The following CFAP43 variants were observed in gnomAD, a reference collection of about 807,000 sequenced individuals.
The protein encoded by CFAP43 is cilia and flagella associated protein 43.
In CFAP43, 155 loss-of-function variants were observed where a neutral mutation model predicts 218.9. The observed-to-expected ratio is 0.71, with a 90% CI of 0.62 to 0.81. The LOEUF (loss-of-function observed/expected upper bound fraction) is 0.81. CFAP43 is among the 30% of genes least tolerant of loss of function. The pLI is 0.00. For synonymous variants in CFAP43, 645 were observed against 681.3 expected (o/e 0.95, Z 0.83); for missense variants, 1,778 against 1,954.3 (o/e 0.91, Z 1.70).
chr10:104,130,795 C>G (rs186349069), intron 37 of CFAP43, among the ~76,000 whole-genome samples: 1 of 151,770 alleles, frequency 6.6e-6, no homozygotes, highest in Non-Finnish European at 1.5e-5. Context: ...CTCAGGAGTT[C>G]GAGGCCAGCC....
intron 21 of CFAP43, 120 bp from the exon 22 acceptor site, chr10:104,167,857 A>C (rs2089241022): frequency 1.6e-6 from 1 of 617,840 alleles, no homozygotes; most frequent in African/African-American, 1.9e-5. Flanking sequence ...ATGTGTTAGT[A>C]AAATTGACAA....
chr10:104,158,242 CAG>C (rs1460823452), intron 27 of CFAP43, among the ~76,000 whole-genome samples: 1 of 152,132 alleles, frequency 6.6e-6, no homozygotes, highest in African/African-American at 2.4e-5. Context: ...ACAGAATGAA[CAG>C]AGAGTCAGAT....
At chr10:104,135,955 A>C (rs1328324621) in intron 34 of CFAP43, among the ~76,000 whole-genome samples, 2 of 152,220 alleles carry the variant, frequency 1.3e-5, no homozygotes, top group East Asian at 3.8e-4. Flanking sequence ...TCAAAGAAGA[A>C]AACAGGGACT....
intron 2 of CFAP43, among the ~76,000 whole-genome samples, chr10:104,227,085 G>T (rs1322496104): frequency 1.3e-5 from 2 of 151,708 alleles, no homozygotes; most frequent in Non-Finnish European, 2.9e-5. Context: ...GCCTCCTATT[G>T]GTTTTTTATT....
intron 28 of CFAP43, among the ~76,000 whole-genome samples, chr10:104,150,588 C>T (rs1326912129): frequency 6.6e-6 from 1 of 152,148 alleles, no homozygotes; most frequent in Non-Finnish European, 1.5e-5. Context: ...AGTCATCCTC[C>T]TGAAGATTCC....
At chr10:104,209,495 A>T (rs1302493880) in intron 5 of CFAP43, among the ~76,000 whole-genome samples, 2 of 152,210 alleles carry the variant, frequency 1.3e-5, no homozygotes, top group Non-Finnish European at 2.9e-5. Context: ...TAAAATAAAG[A>T]TGTCTATTAT....
At chr10:104,198,320 T>C (rs994544325) in intron 8 of CFAP43, among the ~76,000 whole-genome samples, 3 of 152,240 alleles carry the variant, frequency 2.0e-5, no homozygotes, top group Non-Finnish European at 2.9e-5. Flanking sequence ...CTTGCTATTG[T>C]TGCCCAGGTT....
At chr10:104,214,237 C>A in intron 4 of CFAP43, 22 bp downstream of exon 4, 2 of 1,546,624 alleles carry the variant, frequency 1.3e-6, no homozygotes, top group African/African-American at 1.4e-5. Flanking sequence ...CATGTTGCTA[C>A]TGTTGTAACA....
chr10:104,208,446 C>A (rs1353126845), intron 5 of CFAP43, among the ~76,000 whole-genome samples: 1 of 151,756 alleles, frequency 6.6e-6, no homozygotes, highest in Non-Finnish European at 1.5e-5. Flanking sequence ...GCTTTTTTTT[C>A]TTTAAGACAA....
At chr10:104,215,814 C>T (rs1168611041) in intron 3 of CFAP43, among the ~76,000 whole-genome samples, 1 of 152,128 alleles carries the variant, frequency 6.6e-6, no homozygotes, top group Non-Finnish European at 1.5e-5. Context: ...AATTCTTGCT[C>T]TCAAGTATAA....
rs773662981 is a variant in CFAP43 at position 104,172,431 on chromosome 10, T to G, written c.2565A>C (p.Glu855Asp). Residue 855 changes from glutamate to aspartate, a missense_variant, in exon 20 of 38, where the codon GAA becomes GAC. Coordinates refer to ENST00000357060, the MANE Select transcript of CFAP43 (RefSeq NM_025145.7). ...DLEELERLHD[E>D]SQEEVAKMIK... ...ATACCTTTGCCACTTCTTCCTGACT[T>G]TCATCATGAAGCCTTTCTAGTTCCT... The G allele has an allele frequency of 1.2e-6, 2 of 1,609,606 alleles. No individual in the cohort carries two copies. Among genetic ancestry groups the G allele is most frequent in the South Asian group, 1.1e-5 (1 of 89,518 alleles).
intron 16 of CFAP43, among the ~76,000 whole-genome samples, chr10:104,184,462 C>CTT (rs34684487): frequency 1.3e-4 from 18 of 142,078 alleles, no homozygotes; most frequent in Non-Finnish European, 1.5e-4. Context: ...TTAACTATGT[C>CTT]TTTTTTTTTT....
chr10:104,143,735 A>G, intron 31 of CFAP43, 96 bp from the exon 32 acceptor site: 4 of 1,167,912 alleles, frequency 3.4e-6, no homozygotes, highest in Non-Finnish European at 4.9e-6. Flanking sequence ...AACACATTGT[A>G]TGGCTCTTCC....
In CFAP43 at chr10:104,211,939, A is replaced by G. The variant is rs1462838935; in HGVS notation, c.735+68T>C. ...CATTTCTCAAGGGATGGTTATGCCA[A>G]TCAAATGAGATCAGGCTTCCTAGAC... is the stretch of plus-strand genomic sequence containing the variant. On this transcript the variant is annotated intron_variant, in intron 5 of 37. Coordinates refer to ENST00000357060, the MANE Select transcript of CFAP43 (RefSeq NM_025145.7). 42 of 1,533,158 alleles carry G rather than the reference A, an allele frequency of 2.7e-5. 1 individual carries two copies. Among genetic ancestry groups the G allele is most frequent in the Non-Finnish European group, 3.6e-5 (41 of 1,132,702 alleles). The allele number at this position is 1,533,158 out of a possible 1,614,324, so 95.0% of individuals were successfully genotyped here. A position where few individuals can be genotyped will look rare whatever the true frequency, so the allele number is the denominator to read the frequency against.
chr10:104,164,203 A>T lies in CFAP43; in HGVS notation c.3137T>A (p.Val1046Asp), dbSNP rs2089028939. ...ATCTAAAATAATTTCTCGAATTCGA[A>T]CATTTCTTTCCTTCACGCGTGCAAT... ...FEIARVKERN[V>D]RIREIILDLE... The change falls in exon 24 of 38, where the codon GTT becomes GAT. Residue 1046 changes from valine to aspartate, a missense_variant. Physicochemically the swap from Val to Asp is radical, Grantham distance 152. This residue lies in a region of CFAP43 where 1,553 missense variants were observed against 1,685.2 expected (regional missense o/e 0.92). Transcript: ENST00000357060. 1 of 1,614,052 alleles carries T rather than the reference A, an allele frequency of 6.2e-7. No homozygotes were observed. Among genetic ancestry groups the T allele is most frequent in the African/African-American group, 1.3e-5 (1 of 74,922 alleles).
At chr10:104,198,878 T>C (rs1283802863) in intron 8 of CFAP43, among the ~76,000 whole-genome samples, 1 of 152,022 alleles carries the variant, frequency 6.6e-6, no homozygotes, top group Non-Finnish European at 1.5e-5. Context: ...CTCAAACTCC[T>C]GACCTCAAGT....
Position 104,162,345 on chromosome 10 carries a change from T to C in CFAP43, c.3305A>G (p.His1102Arg), listed in dbSNP as rs760000742. The change falls in exon 25 of 38, where the codon CAT becomes CGT. Residue 1102 changes from histidine to arginine, a missense_variant. Transcript: ENST00000357060. ...TATCAGAAGCCAGTGCTCCTTTTCATGATTCACGATCAATTCTTTGGCTTT... is the reference window on the plus strand; with the variant it reads ...TATCAGAAGCCAGTGCTCCTTTTCACGATTCACGATCAATTCTTTGGCTTT... ...WHKAKELIVN[H>R]EKEHWLLIQD... 2.5e-6 allele frequency: 4 copies of C among 1,614,106 alleles called. No individual in the cohort carries two copies. The highest frequency in any genetic ancestry group is 3.4e-6 in the Non-Finnish European group (4 of 1,180,020).
chr10:104,196,793 A>G, intron 10 of CFAP43, 60 bp downstream of exon 10: 1 of 1,399,134 alleles, frequency 7.1e-7, no homozygotes, highest in Non-Finnish European at 9.9e-7. Context: ...GTGAATATGA[A>G]AAAGTAGATT....
intron 27 of CFAP43, among the ~76,000 whole-genome samples, chr10:104,158,044 A>G (rs1004170002): frequency 1.3e-5 from 2 of 152,202 alleles, no homozygotes; most frequent in Non-Finnish European, 2.9e-5. Flanking sequence ...AACAACAGAA[A>G]TAATAATGAT....
Sources: allele counts gnomAD v4.1 joint callset (sites outside exome capture counted in the v4.1 genomes callset), GRCh38; gene constraint gnomAD v4.1.1; regional missense constraint gnomAD v4.1.1; transcripts MANE v1.5; gene names NCBI Gene and HGNC (gene_info 2026-07-23, HGNC 2026-07-21).